The following HSF2 variants were observed in gnomAD, a reference collection of about 807,000 sequenced individuals.
HSF2 encodes the protein heat shock factor protein 2.
A neutral mutation model predicts 65.0 loss-of-function variants in HSF2; 21 were observed. The observed-to-expected ratio is 0.32, with a 90% CI of 0.23 to 0.47. The LOEUF (loss-of-function observed/expected upper bound fraction) is 0.47. Ranked by LOEUF, HSF2 falls within the 20% of genes least tolerant of loss-of-function variation. HSF2 has a pLI of 1.00. For missense variants in HSF2, 499 were observed against 628.1 expected (o/e 0.79, Z 2.20); for synonymous variants, 225 against 219.1 (o/e 1.03, Z -0.24).
chr6:122,413,438 A>G, intron 3 of HSF2, 87 bp from the exon 4 acceptor site: 2 of 977,552 alleles, frequency 2.0e-6, no homozygotes, highest in Non-Finnish European at 3.0e-6. Flanking sequence ...TGAACAGGCT[A>G]CGAAAACCTC....
At chr6:122,401,073 C>T (rs1773719696) in intron 1 of HSF2, among the ~76,000 whole-genome samples, 3 of 152,078 alleles carry the variant, frequency 2.0e-5, no homozygotes, top group Non-Finnish European at 4.4e-5. Context: ...GTTCTTTTTT[C>T]CGACTTCCTT....
chr6:122,406,521 G>A (rs9482245), intron 1 of HSF2, among the ~76,000 whole-genome samples: 21,527 of 152,124 alleles, frequency 0.14, 1,627 homozygotes, highest in East Asian at 0.25. Context: ...CAGTTTTCCT[G>A]TATGGTATTG....
At chr6:122,420,760 G>A (rs1444957415) in intron 7 of HSF2, among the ~76,000 whole-genome samples, 1 of 109,716 alleles carries the variant, frequency 9.1e-6, no homozygotes, top group African/African-American at 3.5e-5. Flanking sequence ...CACCCAGCCT[G>A]GAGTGCAGTG....
At chr6:122,429,352 A>G (rs1050587114) in intron 11 of HSF2, among the ~76,000 whole-genome samples, 3 of 152,094 alleles carry the variant, frequency 2.0e-5, no homozygotes, top group Non-Finnish European at 2.9e-5. Flanking sequence ...TTCAAAAACT[A>G]TAAGCAGTTA....
intron 11 of HSF2, among the ~76,000 whole-genome samples, chr6:122,430,696 T>A (rs1310021214): frequency 1.3e-5 from 2 of 152,168 alleles, no homozygotes; most frequent in Non-Finnish European, 2.9e-5. Context: ...AGCATGTAGA[T>A]CTGGGACTTG....
At position 122,431,527 on chromosome 6, in the gene HSF2, A is replaced by G. The variant is rs906692248; in HGVS notation, c.1315+13A>G. On this transcript the variant is annotated intron_variant, in intron 12 of 12. Coordinates refer to ENST00000368455, the MANE Select transcript of HSF2 (RefSeq NM_004506.4). ...AAATCCAAACCAGGTAGGTATAAAT[A>G]TAGTATTCAGTCTCTGTAGGTTTTT... The G allele has an allele frequency of 4.8e-6, 7 of 1,451,296 alleles. No homozygotes were observed. The highest frequency in any genetic ancestry group is 1.7e-5 in the Admixed American group (1 of 57,616). 89.9% of individuals were successfully genotyped at this position (1,451,296 alleles called of 1,614,324 possible).
chr6:122,420,696 A>ATTTTTTTTTTTTTTTTTT, intron 7 of HSF2, among the ~76,000 whole-genome samples: 1 of 20,380 alleles, frequency 4.9e-5, no homozygotes, highest in Non-Finnish European at 1.1e-4. Flanking sequence ...TAGTTTATTC[A>ATTTTTTTTTTTTTTTTTT]TTTCTTTTTT....
intron 10 of HSF2, among the ~76,000 whole-genome samples, chr6:122,425,339 G>T (rs1774316878): frequency 6.6e-6 from 1 of 151,972 alleles, no homozygotes; most frequent in South Asian, 2.1e-4. Flanking sequence ...AGTACGCTGT[G>T]TGTGATTTTT....
chr6:122,427,880 ATCTTTCTTG>A lies in HSF2; in HGVS notation c.1177-21_1177-13del. 6.4e-7 allele frequency: 1 copy of A among 1,557,330 alleles called. No homozygotes were observed. Among genetic ancestry groups the A allele is most frequent in the African/African-American group, 1.4e-5 (1 of 73,358 alleles). On this transcript the variant is annotated splice_polypyrimidine_tract_variant and intron_variant, in intron 10 of 12. Transcript: ENST00000368455. ...TTTTTAATTATTTTTTAAACTTATC[ATCTTTCTTG>A]TTTGGTCTTTCAGCTTTTCACTAGT...
chr6:122,405,520 G>C (rs1773851103), intron 1 of HSF2, among the ~76,000 whole-genome samples: 1 of 152,132 alleles, frequency 6.6e-6, no homozygotes, highest in Non-Finnish European at 1.5e-5. Context: ...GCCCAAGTAA[G>C]AACCTTTTTT....
At chr6:122,416,495 T>C (rs1774132846) in intron 5 of HSF2, among the ~76,000 whole-genome samples, 199 bp downstream of exon 5, 2 of 152,242 alleles carry the variant, frequency 1.3e-5, no homozygotes, top group Non-Finnish European at 1.5e-5. Flanking sequence ...TAGCTAAAGA[T>C]GGTTATTCCA....
intron 6 of HSF2, among the ~76,000 whole-genome samples, 185 bp downstream of exon 6, chr6:122,419,414 A>C (rs1192318739): frequency 2.0e-5 from 3 of 152,116 alleles, no homozygotes; most frequent in African/African-American, 7.2e-5. Context: ...CATTCTGCTG[A>C]TGTTTGTGAG....
intron 4 of HSF2, among the ~76,000 whole-genome samples, chr6:122,415,614 C>G (rs1774107574): frequency 6.6e-6 from 1 of 151,772 alleles, no homozygotes; most frequent in South Asian, 2.1e-4. Context: ...AATAATGAGC[C>G]AGATTGTCAA....
intron 1 of HSF2, among the ~76,000 whole-genome samples, chr6:122,406,013 G>GCCTCCACTGCAGAAGCTT (rs1773860389): frequency 6.6e-6 from 1 of 152,192 alleles, no homozygotes; most frequent in Admixed American, 6.5e-5. Flanking sequence ...TGGAGAAGCT[G>GCCTCCACTGCAGAAGCTT]CCTCCACTGC....
intron 1 of HSF2, among the ~76,000 whole-genome samples, chr6:122,407,521 T>C (rs989154313): frequency 6.6e-6 from 1 of 152,192 alleles, no homozygotes; most frequent in Non-Finnish European, 1.5e-5. Flanking sequence ...TAATGAGTTC[T>C]AAAACCTTTT....
In HSF2 at chr6:122,432,116, C is replaced by T. The variant is rs1220962596; in HGVS notation, c.1507C>T (p.Leu503=). 1 of 1,614,080 alleles carries T rather than the reference C, an allele frequency of 6.2e-7. No homozygotes were observed. The highest frequency in any genetic ancestry group is 1.3e-5 in the African/African-American group (1 of 75,020). Residue 503 remains leucine (L), a synonymous_variant, in exon 13 of 13, where the codon CTG becomes TTG. Coordinates refer to ENST00000368455, the MANE Select transcript of HSF2 (RefSeq NM_004506.4). Reference sequence around the variant, plus strand: ...ACCAACCCAAAGTAAGCTTGTTCGCCTGGAGCCATTGACTGAAGCTGAAGC... The same window carrying T: ...ACCAACCCAAAGTAAGCTTGTTCGCTTGGAGCCATTGACTGAAGCTGAAGC... ...PEPTQSKLVR[L]EPLTEAEASE...
intron 1 of HSF2, among the ~76,000 whole-genome samples, chr6:122,406,349 C>T (rs1178409460): frequency 6.6e-6 from 1 of 152,066 alleles, no homozygotes; most frequent in African/African-American, 2.4e-5. Flanking sequence ...AAGGTAAGGC[C>T]TTGAATGTGG....
chr6:122,419,359 T>G, intron 6 of HSF2, 130 bp downstream of exon 6: 1 of 518,944 alleles, frequency 1.9e-6, no homozygotes, highest in Non-Finnish European at 3.5e-6. Context: ...CTTTGTTAAA[T>G]TATACTCTTA....
chr6:122,412,015 T>A (rs1021669467), intron 1 of HSF2, among the ~76,000 whole-genome samples: 1 of 151,882 alleles, frequency 6.6e-6, no homozygotes, highest in African/African-American at 2.4e-5. Flanking sequence ...TTTTTTTTTA[T>A]TTTGGTCTTA....
Sources: allele counts gnomAD v4.1 joint callset (sites outside exome capture counted in the v4.1 genomes callset), GRCh38; gene constraint gnomAD v4.1.1; transcripts MANE v1.5; gene names NCBI Gene and HGNC (gene_info 2026-07-23, HGNC 2026-07-21).